The following CLVS1 variants were observed in gnomAD, a reference collection of about 807,000 sequenced individuals.
CLVS1 encodes the protein clavesin-1.
CLVS1 carries 10 observed loss-of-function variants against 33.1 expected under a neutral mutation model. The ratio of observed to expected loss-of-function variants is 0.30; its 90% CI spans 0.19 to 0.51. The LOEUF (loss-of-function observed/expected upper bound fraction) is 0.51, where lower values mean the gene tolerates loss of function less well. CLVS1 is among the 20% of genes least tolerant of loss of function. The probability of loss-of-function intolerance (pLI) is 0.97; values close to 1 mark genes in which losing one functional copy is unlikely to be tolerated. For missense variants in CLVS1, 343 were observed against 433.4 expected (o/e 0.79, Z 1.85); for synonymous variants, 163 against 166.1 (o/e 0.98, Z 0.14).
chr8:61,472,619 T>G (rs1397481974), intron 5 of CLVS1, among the ~76,000 whole-genome samples: 1 of 152,216 alleles, frequency 6.6e-6, no homozygotes. Flanking sequence ...CTTCTCCCAG[T>G]TTTTGAATTT....
chr8:61,154,220 TG>T (rs752142754), intron 2 of CLVS1, among the ~76,000 whole-genome samples: 1,872 of 150,820 alleles, frequency 0.012, 34 homozygotes, highest in African/African-American at 0.042. Context: ...TGTTTTTTTT[TG>T]TTTGTTTGTT....
At chr8:61,030,090 A>G in the CLVS1 span, among the ~76,000 whole-genome samples, 1 of 152,224 alleles carries the variant, frequency 6.6e-6, no homozygotes, top group African/African-American at 2.4e-5. Context: ...TTTGGCAGCC[A>G]GTGGACTAGG....
At chr8:61,144,886 C>T (rs907151473) in intron 2 of CLVS1, among the ~76,000 whole-genome samples, 1 of 152,224 alleles carries the variant, frequency 6.6e-6, no homozygotes, top group Non-Finnish European at 1.5e-5. Flanking sequence ...CCCGCTGCCA[C>T]ACCCAGCTAA....
chr8:61,218,682 C>G (rs1287777876), intron 2 of CLVS1, among the ~76,000 whole-genome samples: 8 of 150,246 alleles, frequency 5.3e-5, no homozygotes, highest in Non-Finnish European at 1.0e-4. Context: ...CGCCTGTAGT[C>G]TCAGCACTTT....
chr8:61,320,411 AT>A (rs2129596202), intron 2 of CLVS1, among the ~76,000 whole-genome samples: 1 of 152,310 alleles, frequency 6.6e-6, no homozygotes, highest in South Asian at 2.1e-4. Context: ...TGTGCTTTCA[AT>A]GACAATACTG....
rs561749736 is a variant in CLVS1, at chr8:61,219,293, T to C, written c.-151-80384T>C. On this transcript the variant is annotated intron_variant, in intron 2 of 2. Transcript: ENST00000522621. ...CTATTGACCTGTCCTCCAAGTTCCT[T>C]TCTCTCACTTCCCCCCACCAACAGG... Among the ~76,000 whole-genome samples the C allele has an allele frequency of 3.9e-5, 6 of 152,136 alleles. No homozygotes were observed. In the South Asian group the frequency reaches 1.3e-3, roughly 32 times the overall value.
chr8:61,253,115 G>T (rs1033078648), intron 2 of CLVS1, among the ~76,000 whole-genome samples: 1 of 152,092 alleles, frequency 6.6e-6, no homozygotes, highest in Non-Finnish European at 1.5e-5. Context: ...GGGCAGGCCT[G>T]GTGGTGACAA....
At chr8:61,238,079 C>T (rs1808605416) in intron 2 of CLVS1, among the ~76,000 whole-genome samples, 1 of 152,140 alleles carries the variant, frequency 6.6e-6, no homozygotes, top group Non-Finnish European at 1.5e-5. Flanking sequence ...TACCCTGCCC[C>T]ACACCTCTTC....
At chr8:61,446,853 T>C (rs1244152519) in intron 3 of CLVS1, among the ~76,000 whole-genome samples, 1 of 151,568 alleles carries the variant, frequency 6.6e-6, no homozygotes, top group Non-Finnish European at 1.5e-5. Flanking sequence ...GGCCCATCCA[T>C]GGGTTATTTA....
At chr8:61,372,456 G>T (rs188074123) in intron 2 of CLVS1, among the ~76,000 whole-genome samples, 1 of 152,236 alleles carries the variant, frequency 6.6e-6, no homozygotes, top group East Asian at 1.9e-4. Flanking sequence ...TTACTGTGAA[G>T]ACAGTACAGA....
the CLVS1 span, among the ~76,000 whole-genome samples, chr8:61,012,370 T>C: frequency 6.6e-6 from 1 of 152,232 alleles, no homozygotes; most frequent in African/African-American, 2.4e-5. Flanking sequence ...CTTACATACA[T>C]TTTGTTTTCA....
intron 3 of CLVS1, among the ~76,000 whole-genome samples, chr8:61,385,001 G>T (rs530098768): frequency 6.6e-6 from 1 of 152,210 alleles, no homozygotes; most frequent in Admixed American, 6.5e-5. Context: ...GAGAGCTCTG[G>T]GTTGAAGTGG....
At chr8:61,340,435 C>T (rs1454942218) in intron 2 of CLVS1, among the ~76,000 whole-genome samples, 5 of 152,160 alleles carry the variant, frequency 3.3e-5, no homozygotes, top group Admixed American at 1.3e-4. Context: ...TGAGATCATG[C>T]GGCATTTGTC....
intron 1 of CLVS1, among the ~76,000 whole-genome samples, chr8:61,104,205 A>G (rs184335976): frequency 2.6e-5 from 4 of 152,326 alleles, no homozygotes; most frequent in East Asian, 1.9e-4. Context: ...GCTTCTTACT[A>G]TAGAGAATGA....
At chr8:61,046,831 A>G in the CLVS1 span, among the ~76,000 whole-genome samples, 12 of 151,994 alleles carry the variant, frequency 7.9e-5, no homozygotes, top group East Asian at 2.3e-3. Flanking sequence ...ATTTTTGTAC[A>G]TTGATTTTGT....
chr8:61,476,362 C>T (rs201231710), intron 5 of CLVS1, among the ~76,000 whole-genome samples: 13,185 of 152,102 alleles, frequency 0.087, 664 homozygotes, highest in Non-Finnish European at 0.12. Flanking sequence ...ATGGGGATGG[C>T]GTTGAATCTG....
chr8:60,995,348 G>A, the CLVS1 span, among the ~76,000 whole-genome samples: 16,409 of 151,456 alleles, frequency 0.11, 1,028 homozygotes, highest in South Asian at 0.15. Flanking sequence ...AAAAGTGGGC[G>A]AAGGACATGA....
chr8:61,326,637 G>A (rs749312672), intron 2 of CLVS1, among the ~76,000 whole-genome samples: 20 of 152,238 alleles, frequency 1.3e-4, no homozygotes, highest in Admixed American at 2.6e-4. Context: ...GGAACATGTC[G>A]CCTGAGATGG....
chr8:61,161,978 A>G (rs951396397), intron 2 of CLVS1, among the ~76,000 whole-genome samples: 39 of 135,198 alleles, frequency 2.9e-4, no homozygotes, highest in African/African-American at 1.0e-3. Flanking sequence ...TTCTATAGTT[A>G]CAACTACTTT....
Sources: allele counts gnomAD v4.1 joint callset (sites outside exome capture counted in the v4.1 genomes callset), GRCh38; gene constraint gnomAD v4.1.1; transcripts MANE v1.5; gene names NCBI Gene and HGNC (gene_info 2026-07-23, HGNC 2026-07-21).